SDK1: variants seen among roughly 807,000 people sequenced by gnomAD.
SDK1 encodes sidekick cell adhesion molecule 1.
In SDK1, 157 loss-of-function variants were observed where a neutral mutation model predicts 245.5. The observed-to-expected ratio is 0.64, with a 90% CI of 0.56 to 0.73. SDK1 has a LOEUF of 0.73. SDK1 is among the 30% of genes least tolerant of loss of function. SDK1 has a pLI of 0.00. For missense variants in SDK1, 3,583 were observed against 3,002.3 expected, an observed-to-expected ratio of 1.19 and a Z score of -4.52; for synonymous variants, 1,647 against 1,278.5, an observed-to-expected ratio of 1.29 and a Z score of -6.15.
At chr7:4,002,080 T>G (rs575104516) in intron 14 of SDK1, among the ~76,000 whole-genome samples, 5 of 152,382 alleles carry the variant, frequency 3.3e-5, no homozygotes, top group African/African-American at 1.2e-4. Context: ...TATGTTCCTT[T>G]TGTCACTGTC....
intron 5 of SDK1, among the ~76,000 whole-genome samples, chr7:3,872,599 T>A (rs1489918318): frequency 6.9e-6 from 1 of 145,110 alleles, no homozygotes; most frequent in Non-Finnish European, 1.5e-5. Flanking sequence ...TTTTTTTACA[T>A]ATGTGATATC....
chr7:4,091,176 T>C (rs1781765177), intron 22 of SDK1, among the ~76,000 whole-genome samples: 1 of 152,034 alleles, frequency 6.6e-6, no homozygotes, highest in Admixed American at 6.6e-5. Context: ...GACTTAAAAA[T>C]TCCTGAAGTC....
At chr7:4,251,775 T>G (rs2128240986) in intron 44 of SDK1, among the ~76,000 whole-genome samples, 1 of 152,362 alleles carries the variant, frequency 6.6e-6, no homozygotes, top group Non-Finnish European at 1.5e-5. Flanking sequence ...GCAGGTCTTT[T>G]TAAGGCTAGT....
At chr7:3,969,751 A>G (rs1782340193) in intron 11 of SDK1, among the ~76,000 whole-genome samples, 1 of 152,242 alleles carries the variant, frequency 6.6e-6, no homozygotes, top group African/African-American at 2.4e-5. Flanking sequence ...ATTTTATAAG[A>G]AAATTAAGAA....
intron 22 of SDK1, among the ~76,000 whole-genome samples, chr7:4,103,007 CT>C (rs1202665145): frequency 9.3e-4 from 126 of 135,130 alleles, no homozygotes; most frequent in Admixed American, 1.2e-3. Context: ...CCCCACAGAG[CT>C]TTTTTTTTTG....
Position 3,974,372 on chromosome 7 carries a change from C to T in SDK1, c.1821C>T (p.Tyr607=), listed in dbSNP as rs199917916. ...AGACCCTTTGCTTGGCCCACAGCTA[C>T]GTTTGGAAGAAGGACAACGTGGCCC... ...ATHDPRVSLR[Y]VWKKDNVALT... The change falls in exon 13 of 45, where the codon TAC becomes TAT. Residue 607 remains tyrosine, a synonymous_variant. Coordinates refer to ENST00000404826, the MANE Select transcript of SDK1 (RefSeq NM_152744.4). 3.0e-5 allele frequency: 49 copies of T among 1,611,582 alleles called. No individual in the cohort carries two copies. The Admixed American group carries it at 4.2e-4, about 14-fold the overall frequency.
chr7:3,604,152 GT>G (rs1196570503), intron 1 of SDK1, among the ~76,000 whole-genome samples: 2 of 152,072 alleles, frequency 1.3e-5, no homozygotes, highest in Non-Finnish European at 2.9e-5. Flanking sequence ...CTCTTTTTTG[GT>G]TGTGTCTCTG....
intron 1 of SDK1, among the ~76,000 whole-genome samples, chr7:3,484,824 G>C (rs891699829): frequency 6.6e-6 from 1 of 152,172 alleles, no homozygotes; most frequent in Admixed American, 6.5e-5. Context: ...TGCTGCAAAT[G>C]ACAGCATTTC....
At chr7:3,812,976 A>G (rs1211763843) in intron 4 of SDK1, among the ~76,000 whole-genome samples, 1 of 152,224 alleles carries the variant, frequency 6.6e-6, no homozygotes, top group African/African-American at 2.4e-5. Context: ...TCTTACACCC[A>G]GAGCAAATGG....
intron 4 of SDK1, among the ~76,000 whole-genome samples, chr7:3,741,717 GGAACTAT>G (rs1161123034): frequency 6.6e-6 from 1 of 152,096 alleles, no homozygotes; most frequent in African/African-American, 2.4e-5. Flanking sequence ...AAGAAAGACA[GGAACTAT>G]TGGGATGGAC....
intron 22 of SDK1, among the ~76,000 whole-genome samples, chr7:4,091,312 A>G (rs373255242): frequency 9.2e-6 from 1 of 108,938 alleles, no homozygotes; most frequent in Non-Finnish European, 1.9e-5. Context: ...ATTTCTCCAC[A>G]TTTGCCATTT....
chr7:3,900,116 T>G (rs1181999962), intron 5 of SDK1, among the ~76,000 whole-genome samples: 1 of 152,262 alleles, frequency 6.6e-6, no homozygotes, highest in Non-Finnish European at 1.5e-5. Flanking sequence ...CCCAGTTTCC[T>G]CTTTGCTGAA....
intron 35 of SDK1, 78 bp from the exon 36 acceptor site, chr7:4,205,801 C>T: frequency 8.6e-7 from 1 of 1,165,850 alleles, no homozygotes. Flanking sequence ...ATGCTCGAGC[C>T]CCATGGGCAT....
intron 5 of SDK1, among the ~76,000 whole-genome samples, chr7:3,943,710 CTT>C (rs1029727599): frequency 5.3e-5 from 8 of 151,948 alleles, no homozygotes; most frequent in Non-Finnish European, 8.8e-5. Flanking sequence ...TAACTTTGAA[CTT>C]TATTTTTTTT....
chr7:3,595,327 C>T (rs2128636804), intron 1 of SDK1, among the ~76,000 whole-genome samples: 1 of 152,004 alleles, frequency 6.6e-6, no homozygotes, highest in Non-Finnish European at 1.5e-5. Context: ...CATTTATATA[C>T]TTCTACCCTA....
chr7:3,409,918 A>C (rs538257413), intron 1 of SDK1, among the ~76,000 whole-genome samples: 4 of 152,306 alleles, frequency 2.6e-5, no homozygotes, highest in South Asian at 4.1e-4. Flanking sequence ...GTGACAGCAC[A>C]GAGGTGATCA....
At chr7:3,357,682 C>A (rs781143753) in intron 1 of SDK1, among the ~76,000 whole-genome samples, 8 of 151,950 alleles carry the variant, frequency 5.3e-5, no homozygotes, top group Non-Finnish European at 1.0e-4. Flanking sequence ...GCCTCCTGTT[C>A]TCCTTTTTCC....
intron 5 of SDK1, among the ~76,000 whole-genome samples, chr7:3,947,413 T>C (rs1457466938): frequency 1.3e-5 from 2 of 152,232 alleles, no homozygotes; most frequent in African/African-American, 4.8e-5. Flanking sequence ...TTATATTTAC[T>C]ATGTAAAGAT....
chr7:4,219,508 A>G (rs959135340), intron 38 of SDK1, among the ~76,000 whole-genome samples: 5 of 152,160 alleles, frequency 3.3e-5, no homozygotes, highest in African/African-American at 1.2e-4. Context: ...CATTTATAAA[A>G]CCATCAGATC....
Sources: gnomAD v4.1 joint callset for allele counts (sites outside exome capture counted in the v4.1 genomes callset) on GRCh38, gnomAD v4.1.1 for gene constraint, MANE v1.5 for transcripts, NCBI Gene and HGNC (gene_info 2026-07-23, HGNC 2026-07-21) for gene names.